TANGO2: variants seen among roughly 807,000 people sequenced by gnomAD.
TANGO2 encodes transport and Golgi organization protein 2 homolog.
TANGO2 carries 26 observed loss-of-function variants against 39.1 expected under a neutral mutation model. The observed-to-expected ratio is 0.67, with a 90% CI of 0.49 to 0.92. The LOEUF (loss-of-function observed/expected upper bound fraction) is 0.92, where lower values mean the gene tolerates loss of function less well. TANGO2 is among the 40% of genes least tolerant of loss of function. TANGO2 has a pLI of 0.00. For synonymous variants in TANGO2, 131 were observed against 144.5 expected (o/e 0.91, Z 0.67); for missense variants, 326 against 360.1 (o/e 0.91, Z 0.77).
intron 6 of TANGO2, among the ~76,000 whole-genome samples, chr22:20,059,634 G>A (rs1260545402): frequency 6.6e-6 from 1 of 152,188 alleles, no homozygotes; most frequent in Non-Finnish European, 1.5e-5. Flanking sequence ...TGATGGCTAT[G>A]ATGTTGAGCA....
chr22:20,059,159 C>G (rs1232812626), intron 6 of TANGO2, among the ~76,000 whole-genome samples: 1 of 152,156 alleles, frequency 6.6e-6, no homozygotes, highest in Non-Finnish European at 1.5e-5. Flanking sequence ...TGTGTGATCT[C>G]TACTGTTGTG....
In TANGO2 at chr22:20,043,458, G is replaced by A. The variant is rs765324654; in HGVS notation, c.145+15G>A. 10 of 1,582,522 alleles carry A rather than the reference G, an allele frequency of 6.3e-6. No individual in the cohort carries two copies. Among genetic ancestry groups the A allele is most frequent in the South Asian group, 3.3e-5 (3 of 89,980 alleles). On this transcript the variant is annotated intron_variant, in intron 3 of 8. Coordinates refer to ENST00000327374, the MANE Select transcript of TANGO2 (RefSeq NM_152906.7). ...GATCCTCAGTGGTGAGTCTTCCTGC[G>A]TGCTCAGCGGTGGCTGCGCCTTGTT... is the stretch of plus-strand genomic sequence containing the variant.
chr22:20,017,228 T>G (rs1370527559), upstream of TANGO2: 1 of 152,278 alleles, frequency 6.6e-6, no homozygotes, highest in Non-Finnish European at 1.5e-5. Context: ...CGCTGCGCGC[T>G]GCGCGCCGCT....
At chr22:20,054,218 C>T (rs729894) in intron 5 of TANGO2, 28,492 of 204,668 alleles carry the variant, frequency 0.14, 3,258 homozygotes, top group East Asian at 0.52. Context: ...AGCCCTGCCC[C>T]ACATGGGTCT....
intron 1 of TANGO2, among the ~76,000 whole-genome samples, chr22:20,026,172 G>T (rs1266441010): frequency 6.6e-6 from 1 of 152,226 alleles, no homozygotes; most frequent in African/African-American, 2.4e-5. Context: ...GGCTGAGGCG[G>T]GGGGATCATG....
upstream of TANGO2, among the ~76,000 whole-genome samples, chr22:20,017,505 T>C (rs1267210826): frequency 2.6e-5 from 4 of 152,156 alleles, no homozygotes; most frequent in Non-Finnish European, 4.4e-5. Context: ...CCACCAGGCC[T>C]GGATGTAGAG....
At chr22:20,064,388 C>G (rs2048933077) in intron 8 of TANGO2, among the ~76,000 whole-genome samples, 154 bp from the exon 9 acceptor site, 2 of 152,224 alleles carry the variant, frequency 1.3e-5, no homozygotes, top group South Asian at 4.1e-4. Flanking sequence ...TCATCATCCC[C>G]AAGACTGAGG....
intron 1 of TANGO2, among the ~76,000 whole-genome samples, chr22:20,035,276 C>G (rs1395737430): frequency 6.6e-6 from 1 of 152,246 alleles, no homozygotes; most frequent in African/African-American, 2.4e-5. Flanking sequence ...TCCCTAATGC[C>G]CGTGCCTATG....
chr22:20,027,579 C>T (rs1044358138), intron 1 of TANGO2, among the ~76,000 whole-genome samples: 6 of 151,952 alleles, frequency 3.9e-5, no homozygotes, highest in African/African-American at 7.2e-5. Flanking sequence ...AACACTCTGG[C>T]GCCACAGGCA....
intron 3 of TANGO2, among the ~76,000 whole-genome samples, chr22:20,051,759 A>G (rs893243220): frequency 1.3e-5 from 2 of 152,146 alleles, no homozygotes; most frequent in African/African-American, 4.8e-5. Context: ...CTGAGGTGGG[A>G]GGATCGCTTG....
Position 20,039,901 on chromosome 22 carries a change from C to T in TANGO2, c.56+3047C>T, listed in dbSNP as rs568943913. ...ATACCCCCCGGACAGTACACGCACTCACCCTGCCTAGCAGCGTGGGTGTCA... is the reference window on the plus strand; with the variant it reads ...ATACCCCCCGGACAGTACACGCACTTACCCTGCCTAGCAGCGTGGGTGTCA... On this transcript the variant is annotated intron_variant, in intron 2 of 8. Transcript: ENST00000327374. 6.6e-5 allele frequency among the ~76,000 whole-genome samples: 10 copies of T among 151,584 alleles called. 1 individual carries two copies. The South Asian group carries it at 1.0e-3, about 16-fold the overall frequency.
chr22:20,028,134 G>C (rs2146822237), intron 1 of TANGO2, among the ~76,000 whole-genome samples: 1 of 152,246 alleles, frequency 6.6e-6, no homozygotes, highest in African/African-American at 2.4e-5. Context: ...TATTGAGACA[G>C]AGTCTCCCTC....
chr22:20,043,412 C>T lies in TANGO2; in HGVS notation c.114C>T (p.Asp38=), dbSNP rs2044363027. The change falls in exon 3 of 9, where the codon GAC becomes GAT. Residue 38 remains aspartate (D), a synonymous_variant. Coordinates refer to ENST00000327374, the MANE Select transcript of TANGO2 (RefSeq NM_152906.7). The part of the protein sequence containing the change: ...EFYSRPSKLA[D]FWGNNNEILS... ...ACAGCCGACCCTCCAAGTTAGCTGACTTCTGGGGGAACAACAACGAGATCC... is the reference window on the plus strand; with the variant it reads ...ACAGCCGACCCTCCAAGTTAGCTGATTTCTGGGGGAACAACAACGAGATCC... The T allele has an allele frequency of 1.2e-6, 2 of 1,613,616 alleles. No homozygotes were observed. Among genetic ancestry groups the T allele is most frequent in the Admixed American group, 1.7e-5 (1 of 59,988 alleles).
chr22:20,025,330 T>C (rs2040526122), intron 1 of TANGO2, among the ~76,000 whole-genome samples: 1 of 151,818 alleles, frequency 6.6e-6, no homozygotes, highest in Admixed American at 6.6e-5. Context: ...TGACCTCAGG[T>C]GATCCACCCA....
chr22:20,026,248 AT>A (rs1428711332), intron 1 of TANGO2, among the ~76,000 whole-genome samples: 1 of 152,200 alleles, frequency 6.6e-6, no homozygotes, highest in African/African-American at 2.4e-5. Flanking sequence ...AAATACAAAA[AT>A]TAGCCAGGCA....
chr22:20,030,757 G>A (rs1430589198), intron 1 of TANGO2, among the ~76,000 whole-genome samples: 1 of 152,094 alleles, frequency 6.6e-6, no homozygotes, highest in Non-Finnish European at 1.5e-5. Flanking sequence ...GAGCCACCTC[G>A]CCCAACCAGC....
At chr22:20,041,954 G>T (rs1359257813) in intron 2 of TANGO2, among the ~76,000 whole-genome samples, 1 of 151,974 alleles carries the variant, frequency 6.6e-6, no homozygotes, top group East Asian at 1.9e-4. Flanking sequence ...TGCCTCTCCG[G>T]CACAAGTGCT....
chr22:20,050,364 T>TTTTG, intron 3 of TANGO2, among the ~76,000 whole-genome samples: 2 of 140,646 alleles, frequency 1.4e-5, no homozygotes, highest in Non-Finnish European at 1.5e-5. Context: ...GGTGGTTTTT[T>TTTTG]TTTTTTTTTT....
Position 20,050,508 on chromosome 22 carries a change from T to A in TANGO2, c.146-1957T>A, listed in dbSNP as rs138630630. ...CCTCCCGAGTAGCTGGAACTACAGG[T>A]GCCTGCCACCATGCCCAGCTAATTT... On this transcript the variant is annotated intron_variant, in intron 3 of 8. Coordinates refer to ENST00000327374, the MANE Select transcript of TANGO2 (RefSeq NM_152906.7). 2.8e-4 allele frequency among the ~76,000 whole-genome samples: 42 copies of A among 148,752 alleles called. No individual in the cohort carries two copies. In the East Asian group the frequency reaches 8.8e-3, roughly 31 times the overall value.
Sources: allele counts gnomAD v4.1 joint callset (sites outside exome capture counted in the v4.1 genomes callset), GRCh38; gene constraint gnomAD v4.1.1; transcripts MANE v1.5; gene names NCBI Gene and HGNC (gene_info 2026-07-23, HGNC 2026-07-21).